Variants in AGAP1 observed in about 807,000 individuals in gnomAD.
AGAP1 encodes the protein arf-GAP with GTPase, ANK repeat and PH domain-containing protein 1.
A neutral mutation model predicts 105.3 loss-of-function variants in AGAP1; 29 were observed. The ratio of observed to expected loss-of-function variants is 0.28; its 90% confidence interval spans 0.21 to 0.38. The LOEUF (loss-of-function observed/expected upper bound fraction) is 0.38, where lower values mean the gene tolerates loss of function less well. AGAP1 is among the 10% of genes least tolerant of loss of function. The pLI, the probability that AGAP1 is intolerant of heterozygous loss-of-function variation, is 1.00. For missense variants in AGAP1, 998 were observed against 1,165.1 expected (o/e 0.86, Z 2.09); for synonymous variants, 509 against 485.9 (o/e 1.05, Z -0.63).
Position 236,097,380 on chromosome 2 carries a change from C to CTTTTTT in AGAP1, c.2115-22786_2115-22781dup, listed in dbSNP as rs58882083. 5.2e-3 allele frequency among the ~76,000 whole-genome samples: 251 copies of CTTTTTT among 48,680 alleles called. 26 individuals carry two copies. Among genetic ancestry groups the CTTTTTT allele is most frequent in the Non-Finnish European group, 6.5e-3 (170 of 25,986 alleles). 31.9% of individuals were successfully genotyped at this position (48,680 alleles called of 152,430 possible). ...ATAATATAAAATTTGTCATCCTAAT[C>CTTTTTT]TTTTTTTTTTTTTTTTTTTTTTTTT... On this transcript the variant is annotated intron_variant, in intron 16 of 17. Transcript: ENST00000304032.
chr2:235,616,103 C>T (rs1946298184), intron 1 of AGAP1, among the ~76,000 whole-genome samples: 1 of 152,126 alleles, frequency 6.6e-6, no homozygotes, highest in African/African-American at 2.4e-5. Flanking sequence ...TGGCTCAAGC[C>T]TGTAATCCTA....
Position 235,801,131 on chromosome 2 carries a change from CT to C in AGAP1, c.957+1611del, listed in dbSNP as rs1957475510. ...GCCTCCCCTTGCTTTTGCTAGTTGC[CT>C]TGCGCCACATCAGCTCCCACAGAGG... is the stretch of plus-strand genomic sequence containing the variant. On this transcript the variant is annotated intron_variant, in intron 8 of 17. Coordinates refer to ENST00000304032, the MANE Select transcript of AGAP1 (RefSeq NM_001037131.3). This position sits in a 1 kb window ranked among gnomAD's most constrained non-coding sequence, Gnocchi z 6.0. Among the ~76,000 whole-genome samples, 1 of 152,210 alleles carries C rather than the reference CT, an allele frequency of 6.6e-6. No homozygotes were observed. The highest frequency in any genetic ancestry group is 2.4e-5 in the African/African-American group (1 of 41,454).
chr2:235,671,914 A>T (rs998959126), intron 1 of AGAP1, among the ~76,000 whole-genome samples: 3 of 152,134 alleles, frequency 2.0e-5, no homozygotes, highest in African/African-American at 7.2e-5. Context: ...CACAGACTCC[A>T]TCAACTGCGC....
At position 235,874,800 on chromosome 2, in the gene AGAP1, T is replaced by C. The variant is rs1160806879; in HGVS notation, c.1051-8545T>C. On this transcript the variant is annotated intron_variant, in intron 9 of 17. Transcript: ENST00000304032. The surrounding 1 kb of genome is among the most constrained non-coding windows in gnomAD (Gnocchi z 4.5). ...CATTACTCCTAGAACCAAGATACCA[T>C]GAGTGTGTGTGTGCATGTGTGTGTG... Among the ~76,000 whole-genome samples the C allele has an allele frequency of 6.6e-6, 1 of 152,164 alleles. No homozygotes were observed. The highest frequency in any genetic ancestry group is 1.5e-5 in the Non-Finnish European group (1 of 68,020).
chr2:235,854,281 A>G (rs1163727292), intron 9 of AGAP1, among the ~76,000 whole-genome samples: 2 of 152,180 alleles, frequency 1.3e-5, no homozygotes, highest in African/African-American at 4.8e-5. Context: ...GAGAAAGAAT[A>G]TTGCATGGAG....
intron 9 of AGAP1, among the ~76,000 whole-genome samples, chr2:235,876,826 A>C (rs917188660): frequency 3.4e-5 from 5 of 146,386 alleles, no homozygotes; most frequent in Admixed American, 6.8e-5. Context: ...AGTCTTTCCC[A>C]CATTTGAGTG....
chr2:235,894,339 T>G (rs145662134), intron 10 of AGAP1, among the ~76,000 whole-genome samples: 282 of 152,202 alleles, frequency 1.9e-3, no homozygotes, highest in African/African-American at 6.5e-3. Context: ...CATCCTTGAG[T>G]CCGTGATGTT....
rs1454033670 is a variant in AGAP1 at position 236,058,420 on chromosome 2, C to T, written c.2114+9139C>T. Among the ~76,000 whole-genome samples the T allele has an allele frequency of 6.6e-6, 1 of 152,140 alleles. No homozygotes were observed. The highest frequency in any genetic ancestry group is 2.4e-5 in the African/African-American group (1 of 41,428). On this transcript the variant is annotated intron_variant, in intron 16 of 17. Transcript: ENST00000304032. This position sits in a 1 kb window ranked among gnomAD's most constrained non-coding sequence, Gnocchi z 4.6. ...TGCAAGGAAGGCAAGGTTGGTTCGA[C>T]ACGCAAAAATCAATCAATGTGATAT... is the stretch of plus-strand genomic sequence containing the variant.
Position 235,767,468 on chromosome 2 carries a change from C to T in AGAP1, c.673+16980C>T, listed in dbSNP as rs10190913. Among the ~76,000 whole-genome samples, 720 of 151,752 alleles carry T rather than the reference C, an allele frequency of 4.7e-3. 5 individuals are homozygous for T. The highest frequency in any genetic ancestry group is 0.016 in the African/African-American group (671 of 41,052). ...GCCTCTGTGCAGCCGTTGCTTTTTC[C>T]GTTGACCAAAGCCATGACCTTACCT... On this transcript the variant is annotated intron_variant, in intron 6 of 17. Coordinates refer to ENST00000304032, the MANE Select transcript of AGAP1 (RefSeq NM_001037131.3).
At chr2:235,935,848 G>A (rs549213043) in intron 12 of AGAP1, among the ~76,000 whole-genome samples, 72 of 152,264 alleles carry the variant, frequency 4.7e-4, no homozygotes, top group African/African-American at 1.6e-3. Context: ...CTGGGGGGTC[G>A]TATGTGGCAT....
rs191506878 is a variant in AGAP1 at position 235,672,925 on chromosome 2, C to G, written c.164-36254C>G. ...TAATGCTCAGTTTGTTCCTTGTGGT[C>G]AGTCCTTCTCTGGGCGGAATTACTT... On this transcript the variant is annotated intron_variant, in intron 1 of 17. Transcript: ENST00000304032. Among the ~76,000 whole-genome samples the G allele has an allele frequency of 3.9e-5, 6 of 152,282 alleles. No homozygotes were observed. In the East Asian group the frequency reaches 1.2e-3, roughly 29 times the overall value.
At chr2:236,049,517 C>T (rs1362082360) in intron 16 of AGAP1, 4 of 457,074 alleles carry the variant, frequency 8.8e-6, no homozygotes, top group Non-Finnish European at 1.2e-5. Context: ...TCTCTCCCCC[C>T]TCTTAGAAAT....
chr2:236,103,974 G>A (rs1357126331), intron 16 of AGAP1, among the ~76,000 whole-genome samples: 7 of 152,204 alleles, frequency 4.6e-5, no homozygotes, highest in Admixed American at 2.6e-4. Context: ...ATGCACAACC[G>A]CCTTACGTCC....
At position 236,014,865 on chromosome 2, in the gene AGAP1, G is replaced by A; in HGVS notation, c.1646-21696G>A. On this transcript the variant is annotated intron_variant, in intron 13 of 17. Coordinates refer to ENST00000304032, the MANE Select transcript of AGAP1 (RefSeq NM_001037131.3). The surrounding 1 kb of genome is among the most constrained non-coding windows in gnomAD (Gnocchi z 6.3). ...AGCCTGCGAAATATATACAGCAGCA[G>A]CACCAACACTGAAGGTAACGCCTCC... The A allele has an allele frequency of 4.5e-6, 2 of 445,398 alleles. No individual in the cohort carries two copies. The highest frequency in any genetic ancestry group is 8.0e-5 in the East Asian group (1 of 12,464). 27.6% of individuals were successfully genotyped at this position (445,398 alleles called of 1,614,324 possible).
At position 236,014,721 on chromosome 2, in the gene AGAP1, T is replaced by TC. The variant is rs1031114185; in HGVS notation, c.1646-21840_1646-21839insC. ...AACGTCACGTGCTACTTTGACCTTTTTTTTTCTCCCCTTTTCATTTGTTTT... is the reference window on the plus strand; with the variant it reads ...AACGTCACGTGCTACTTTGACCTTTTCTTTTTCTCCCCTTTTCATTTGTTTT... On this transcript the variant is annotated intron_variant, in intron 13 of 17. Coordinates refer to ENST00000304032, the MANE Select transcript of AGAP1 (RefSeq NM_001037131.3). The surrounding 1 kb of genome is among the most constrained non-coding windows in gnomAD (Gnocchi z 6.3). 4 of 382,430 alleles carry TC rather than the reference T, an allele frequency of 1.0e-5. No homozygotes were observed. The highest frequency in any genetic ancestry group is 3.6e-5 in the Admixed American group (1 of 28,104). 23.7% of individuals were successfully genotyped at this position (382,430 alleles called of 1,614,324 possible). A position where few individuals can be genotyped will look rare whatever the true frequency, so the allele number is the denominator to read the frequency against.
At position 235,908,769 on chromosome 2, in the gene AGAP1, T is replaced by C. The variant is rs138775393; in HGVS notation, c.1187T>C (p.Ile396Thr). The C allele has an allele frequency of 1.5e-5, 24 of 1,613,680 alleles. No individual in the cohort carries two copies. Among genetic ancestry groups the C allele is most frequent in the African/African-American group, 8.0e-5 (6 of 74,840 alleles). ...ATGCAGAATGTTCATGGTAAGGAGA[T>C]TGACCTTCTGAGAACCACTGTGAAA... Reference protein sequence around the residue: ...DYMQNVHGKEIDLLRTTVKVP... With the variant: ...DYMQNVHGKETDLLRTTVKVP... Residue 396 changes from isoleucine (I) to threonine (T), a missense_variant, in exon 11 of 18, where the codon ATT becomes ACT. Physicochemically the swap from Ile to Thr is moderately conservative, Grantham distance 89. Coordinates refer to ENST00000304032, the MANE Select transcript of AGAP1 (RefSeq NM_001037131.3). This position sits in a 1 kb window ranked among gnomAD's most constrained non-coding sequence, Gnocchi z 4.4.
intron 9 of AGAP1, among the ~76,000 whole-genome samples, chr2:235,858,996 A>G (rs1460621430): frequency 6.6e-6 from 1 of 152,264 alleles, no homozygotes. Context: ...TCTTCTAAAT[A>G]GAATGGACAC....
intron 1 of AGAP1, among the ~76,000 whole-genome samples, chr2:235,515,462 A>G (rs536743704): frequency 6.6e-6 from 1 of 152,304 alleles, no homozygotes; most frequent in South Asian, 2.1e-4. Flanking sequence ...AGGTTCTCTG[A>G]AAGACAGGGG....
At chr2:235,656,135 A>T (rs923444336) in intron 1 of AGAP1, among the ~76,000 whole-genome samples, 2 of 152,208 alleles carry the variant, frequency 1.3e-5, no homozygotes, top group African/African-American at 4.8e-5. Context: ...GCTCCTGCTG[A>T]TGATGGCTAA....
Sources: allele counts gnomAD v4.1 joint callset (sites outside exome capture counted in the v4.1 genomes callset), GRCh38; gene constraint gnomAD v4.1.1; non-coding constraint Gnocchi (gnomAD v3.1); transcripts MANE v1.5; gene names NCBI Gene and HGNC (gene_info 2026-07-23, HGNC 2026-07-21).